Variants in CIT observed in about 807,000 individuals in gnomAD.
The protein encoded by CIT is citron Rho-interacting kinase.
CIT carries 79 observed loss-of-function variants against 272.7 expected under a neutral mutation model. The observed-to-expected ratio is 0.29, with a 90% CI of 0.24 to 0.35. The LOEUF is 0.35. Ranked by LOEUF, CIT falls within the 10% of genes least tolerant of loss-of-function variation. The pLI, the probability that CIT is intolerant of heterozygous loss-of-function variation, is 1.00. For missense variants in CIT, 1,909 were observed against 2,618.3 expected, an observed-to-expected ratio of 0.73 and a Z score of 5.91; for synonymous variants, 948 against 995.6, an observed-to-expected ratio of 0.95 and a Z score of 0.90.
rs751421453 is a variant in CIT at position 119,803,209 on chromosome 12, G to A, written c.1292C>T (p.Ser431Phe). Residue 431 changes from serine (S) to phenylalanine (F), a missense_variant, in exon 10 of 48, where the codon TCT becomes TTT. By Grantham distance (155) the Ser-to-Phe change is radical (BLOSUM62 -2). Coordinates refer to ENST00000392521, the MANE Select transcript of CIT (RefSeq NM_001206999.2). Reference protein sequence around the residue: ...YSKALGILGRSESVVSGLDSP... With the variant: ...YSKALGILGRFESVVSGLDSP... ...AGAAAGTCAAATTTTCACTTACTCA[G>A]ATCTACCAAGAATCCCCAGTGCCTT... 3 of 1,465,058 alleles carry A rather than the reference G, an allele frequency of 2.0e-6. No homozygotes were observed. The highest frequency in any genetic ancestry group is 1.8e-6 in the Non-Finnish European group (2 of 1,103,384). The allele number at this position is 1,465,058 out of a possible 1,614,324, so 90.8% of individuals were successfully genotyped here.
chr12:119,799,027 C>T (rs1965973550), intron 10 of CIT, among the ~76,000 whole-genome samples: 1 of 152,174 alleles, frequency 6.6e-6, no homozygotes, highest in South Asian at 2.1e-4. Flanking sequence ...ATCCACTCCT[C>T]CCCAACATCC....
chr12:119,821,200 C>G (rs1284891656), intron 9 of CIT, among the ~76,000 whole-genome samples: 32 of 151,212 alleles, frequency 2.1e-4, no homozygotes, highest in Admixed American at 2.1e-3. Flanking sequence ...GAGGCTGAGG[C>G]AGGAGAATCG....
chr12:119,747,758 T>G (rs1230984042), intron 23 of CIT, among the ~76,000 whole-genome samples: 1 of 152,172 alleles, frequency 6.6e-6, no homozygotes, highest in African/African-American at 2.4e-5. Flanking sequence ...CAGATATTTT[T>G]CAAATATTTA....
At chr12:119,716,919 T>C (rs1229041410) in intron 32 of CIT, among the ~76,000 whole-genome samples, 2 of 152,334 alleles carry the variant, frequency 1.3e-5, no homozygotes, top group African/African-American at 4.8e-5. Context: ...TCTGAAAGAA[T>C]GGGGTAGGTC....
At chr12:119,776,588 T>A in intron 14 of CIT, 84 bp downstream of exon 14, 2 of 1,376,172 alleles carry the variant, frequency 1.5e-6, no homozygotes. Context: ...AGGTTGTTTC[T>A]CATTAAACTA....
chr12:119,848,176 A>C (rs566772831), intron 5 of CIT, among the ~76,000 whole-genome samples: 28 of 152,340 alleles, frequency 1.8e-4, no homozygotes, highest in Non-Finnish European at 3.2e-4. Context: ...GTGGTCAGTC[A>C]AAGCCAGTCT....
At chr12:119,756,669 A>G (rs1961028377) in intron 22 of CIT, among the ~76,000 whole-genome samples, 1 of 152,084 alleles carries the variant, frequency 6.6e-6, no homozygotes, top group Non-Finnish European at 1.5e-5. Flanking sequence ...GCGTGGGAAG[A>G]TGAGGATTTT....
rs7302460 is a variant in CIT at position 119,703,796 on chromosome 12, G to C, written c.5304+567C>G. 2.6e-5 allele frequency among the ~76,000 whole-genome samples: 4 copies of C among 152,196 alleles called. No individual in the cohort carries two copies. The South Asian group carries it at 8.3e-4, about 32-fold the overall frequency. The stretch of plus-strand genomic sequence containing the variant: ...AGGCTTAGGAGGAGTGGGACACTCC[G>C]AGGTAGGGACATCAGACAGCATTCT... On this transcript the variant is annotated intron_variant, in intron 41 of 47. Coordinates refer to ENST00000392521, the MANE Select transcript of CIT (RefSeq NM_001206999.2).
At chr12:119,872,155 CTTG>C (rs1390412597) in intron 2 of CIT, among the ~76,000 whole-genome samples, 1 of 151,998 alleles carries the variant, frequency 6.6e-6, no homozygotes, top group African/African-American at 2.4e-5. Context: ...TTCTTCCTGT[CTTG>C]TTGTTTCTTA....
At chr12:119,792,602 T>A (rs557203041) in intron 10 of CIT, among the ~76,000 whole-genome samples, 184 of 152,196 alleles carry the variant, frequency 1.2e-3, no homozygotes, top group African/African-American at 4.0e-3. Flanking sequence ...CCGGAGTAGT[T>A]GGGACTACAG....
chr12:119,764,973 A>AT (rs1239239319), intron 19 of CIT, among the ~76,000 whole-genome samples: 3 of 151,572 alleles, frequency 2.0e-5, no homozygotes, highest in Non-Finnish European at 4.4e-5. Context: ...CGCCTGGCTA[A>AT]TTTTTTTGTA....
intron 8 of CIT, among the ~76,000 whole-genome samples, chr12:119,823,372 C>G (rs1306150068): frequency 6.6e-6 from 1 of 152,166 alleles, no homozygotes. Flanking sequence ...CCTCTGCACT[C>G]TACTTTTGCA....
At chr12:119,763,658 T>C (rs1451335391) in intron 19 of CIT, among the ~76,000 whole-genome samples, 1 of 152,158 alleles carries the variant, frequency 6.6e-6, no homozygotes, top group Non-Finnish European at 1.5e-5. Context: ...ACTCAATTCT[T>C]TGAGAATACC....
chr12:119,762,920 C>T (rs1759403851), intron 19 of CIT, among the ~76,000 whole-genome samples: 1 of 152,158 alleles, frequency 6.6e-6, no homozygotes, highest in Non-Finnish European at 1.5e-5. Context: ...GTGTTGTACA[C>T]CTGTAATCCC....
intron 10 of CIT, among the ~76,000 whole-genome samples, chr12:119,794,842 A>G (rs203351): frequency 0.064 from 9,807 of 152,234 alleles, 986 homozygotes; most frequent in African/African-American, 0.22. Context: ...CACTCATTCT[A>G]CTCATGGCAC....
At position 119,686,132 on chromosome 12, in the gene CIT, CTCT is replaced by C. The variant is rs993432960; in HGVS notation, c.*2097_*2099del. 1.8e-4 allele frequency: 27 copies of C among 152,190 alleles called. No homozygotes were observed. Among genetic ancestry groups the C allele is most frequent in the Non-Finnish European group, 1.5e-4 (10 of 67,922 alleles). The allele number at this position is 152,190 out of a possible 1,614,324, so 9.4% of individuals were successfully genotyped here. On this transcript the variant is annotated 3_prime_UTR_variant, in exon 48 of 48. Coordinates refer to ENST00000392521, the MANE Select transcript of CIT (RefSeq NM_001206999.2). ...AAAAAGTAGAAACCAATTCAATTTCCTCTTTTTTTTTTTACGAATATAAAGTTT... is the reference window on the plus strand; with the variant it reads ...AAAAAGTAGAAACCAATTCAATTTCCTTTTTTTTTTACGAATATAAAGTTT...
chr12:119,713,284 G>A lies in CIT; in HGVS notation c.4498C>T (p.Arg1500Ter). 1 of 1,613,882 alleles carries A rather than the reference G, an allele frequency of 6.2e-7. No homozygotes were observed. The highest frequency in any genetic ancestry group is 1.3e-5 in the African/African-American group (1 of 75,006). ...GWMKVPRNNK[R>*]GQQGWDRKYI... ...TTCCTGTCCCAGCCTTGCTGTCCTC[G>A]TTTGTTATTCCTGGGGAAAGAAAGA... is the stretch of plus-strand genomic sequence containing the variant. The change falls in exon 35 of 48, where the codon CGA becomes TGA. Residue 1500 changes from arginine (R) to a stop codon, truncating the protein, a stop_gained. Coordinates refer to ENST00000392521, the MANE Select transcript of CIT (RefSeq NM_001206999.2). LOFTEE classifies it high-confidence loss of function. The surrounding 1 kb of genome is among the most constrained non-coding windows in gnomAD (Gnocchi z 5.2).
At chr12:119,736,107 C>A (rs922047960) in intron 24 of CIT, among the ~76,000 whole-genome samples, 1 of 152,156 alleles carries the variant, frequency 6.6e-6, no homozygotes, top group African/African-American at 2.4e-5. Flanking sequence ...ATTTAGCTTT[C>A]CTATTCTCTT....
intron 41 of CIT, among the ~76,000 whole-genome samples, chr12:119,702,303 GA>G (rs1192086791): frequency 2.6e-5 from 4 of 151,068 alleles, no homozygotes; most frequent in Admixed American, 2.0e-4. Flanking sequence ...GATGAACAGT[GA>G]TCCATTTGTT....
Sources: allele counts gnomAD v4.1 joint callset (sites outside exome capture counted in the v4.1 genomes callset), GRCh38; gene constraint gnomAD v4.1.1; non-coding constraint Gnocchi (gnomAD v3.1); transcripts MANE v1.5; gene names NCBI Gene and HGNC (gene_info 2026-07-23, HGNC 2026-07-21).